ELMO1: variants seen among roughly 807,000 people sequenced by gnomAD.
ELMO1 encodes engulfment and cell motility protein 1.
A neutral mutation model predicts 98.9 loss-of-function variants in ELMO1; 26 were observed. The observed-to-expected ratio is 0.26, with a 90% CI of 0.19 to 0.36. The LOEUF is 0.36. ELMO1 is among the 10% of genes least tolerant of loss of function. ELMO1 has a pLI of 1.00. For missense variants in ELMO1, 627 were observed against 935.2 expected (o/e 0.67, Z 4.30); for synonymous variants, 346 against 346.0 (o/e 1.00, Z 0.00).
rs140844007 is a variant in ELMO1, at chr7:37,425,465, G to T, written c.-74+23210C>A. ...TTCAGTGCATCATGATAGTTATCGAGAATTATTTACATGTGTCTCCTTATA... is the reference window on the plus strand; with the variant it reads ...TTCAGTGCATCATGATAGTTATCGATAATTATTTACATGTGTCTCCTTATA... On this transcript the variant is annotated intron_variant, in intron 1 of 21. Transcript: ENST00000310758. Among the ~76,000 whole-genome samples the T allele has an allele frequency of 2.6e-4, 39 of 152,348 alleles. No individual in the cohort carries two copies. In the East Asian group the frequency reaches 7.3e-3, roughly 29 times the overall value.
chr7:37,334,598 G>A (rs56305455), intron 2 of ELMO1, among the ~76,000 whole-genome samples: 7,563 of 152,290 alleles, frequency 0.05, 255 homozygotes, highest in Admixed American at 0.075. Flanking sequence ...CTTGAAGGCT[G>A]TAGTAAGGTG....
In ELMO1 at chr7:36,876,993, A is replaced by G. The variant is rs77124707; in HGVS notation, c.1822+1017T>C. Among the ~76,000 whole-genome samples, 1,451 of 152,344 alleles carry G rather than the reference A, an allele frequency of 9.5e-3. 21 individuals are homozygous for G. The highest frequency in any genetic ancestry group is 0.032 in the African/African-American group (1,349 of 41,564). On this transcript the variant is annotated intron_variant, in intron 19 of 21. Coordinates refer to ENST00000310758, the MANE Select transcript of ELMO1 (RefSeq NM_014800.11). ...GGAGGAAGAGTGAATGTTCTAGGCT[A>G]TCTGCCTGAGATGTCAGCGCAGAGT...
chr7:37,049,703 T>C (rs1013538318), intron 15 of ELMO1, among the ~76,000 whole-genome samples: 4 of 151,858 alleles, frequency 2.6e-5, no homozygotes, highest in Non-Finnish European at 2.9e-5. Context: ...CAGAGGCAAA[T>C]GATATCCAGG....
intron 10 of ELMO1, among the ~76,000 whole-genome samples, chr7:37,217,450 G>C (rs1584824082): frequency 6.6e-6 from 1 of 152,262 alleles, no homozygotes; most frequent in Middle Eastern, 3.4e-3. Flanking sequence ...TCATATTCAG[G>C]AAGACACTTG....
At chr7:36,871,768 T>C (rs1002141143) in intron 19 of ELMO1, among the ~76,000 whole-genome samples, 1 of 152,168 alleles carries the variant, frequency 6.6e-6, no homozygotes, top group Non-Finnish European at 1.5e-5. Context: ...CCAGGTACCC[T>C]AAAATTACTA....
intron 20 of ELMO1, among the ~76,000 whole-genome samples, chr7:36,863,116 T>C (rs1010082608): frequency 2.0e-5 from 3 of 152,152 alleles, no homozygotes; most frequent in African/African-American, 4.8e-5. Flanking sequence ...GTTCTGAGGA[T>C]AGATCTACCA....
chr7:37,317,246 G>A (rs966661259), intron 2 of ELMO1, among the ~76,000 whole-genome samples: 4 of 152,088 alleles, frequency 2.6e-5, no homozygotes, highest in Non-Finnish European at 4.4e-5. Context: ...CCTGCTAAAG[G>A]CCCAGTTCAG....
At chr7:37,234,494 T>C (rs534184209) in intron 7 of ELMO1, among the ~76,000 whole-genome samples, 1 of 152,320 alleles carries the variant, frequency 6.6e-6, no homozygotes, top group Admixed American at 6.5e-5. Context: ...GAAGTGGTTC[T>C]CAGGGAAAGA....
chr7:37,077,402 G>A (rs575605149), intron 15 of ELMO1, among the ~76,000 whole-genome samples: 5 of 152,282 alleles, frequency 3.3e-5, no homozygotes, highest in East Asian at 3.9e-4. Context: ...GAGGAAGCAC[G>A]TCACACTGAG....
intron 13 of ELMO1, among the ~76,000 whole-genome samples, chr7:37,189,072 A>G (rs1791419239): frequency 6.6e-6 from 1 of 152,354 alleles, no homozygotes; most frequent in Admixed American, 6.5e-5. Flanking sequence ...ACTGTATATA[A>G]TAATTTTTAA....
At chr7:37,410,873 G>T (rs1803968307) in intron 1 of ELMO1, among the ~76,000 whole-genome samples, 1 of 152,214 alleles carries the variant, frequency 6.6e-6, no homozygotes, top group Non-Finnish European at 1.5e-5. Context: ...TGCAATTCAT[G>T]AGCTATATGC....
chr7:37,104,249 G>A (rs1360217847), intron 14 of ELMO1, among the ~76,000 whole-genome samples: 1 of 151,374 alleles, frequency 6.6e-6, no homozygotes, highest in Non-Finnish European at 1.5e-5. Flanking sequence ...AATTGTTACT[G>A]TAAAATATAT....
chr7:37,181,654 A>C (rs1584773587), intron 13 of ELMO1, among the ~76,000 whole-genome samples: 1 of 152,208 alleles, frequency 6.6e-6, no homozygotes, highest in Non-Finnish European at 1.5e-5. Flanking sequence ...GAAAGCAGGA[A>C]TGTATTGCAG....
At chr7:37,394,598 G>A (rs889642751) in intron 1 of ELMO1, among the ~76,000 whole-genome samples, 2 of 152,224 alleles carry the variant, frequency 1.3e-5, no homozygotes, top group African/African-American at 4.8e-5. Context: ...CAATGGAAGT[G>A]TCTTCCAGAG....
chr7:37,445,910 G>T (rs1016452512), intron 1 of ELMO1, among the ~76,000 whole-genome samples: 2 of 152,128 alleles, frequency 1.3e-5, no homozygotes, highest in Admixed American at 6.6e-5. Context: ...CTTCTCCAAG[G>T]AGAGTGATGA....
chr7:37,259,443 G>A, intron 5 of ELMO1, 93 bp from the exon 6 acceptor site: 1 of 1,431,098 alleles, frequency 7.0e-7, no homozygotes, highest in Non-Finnish European at 9.6e-7. Flanking sequence ...AGATACAAAA[G>A]CCAAAAGCGC....
At chr7:37,218,718 T>A (rs1225163085) in intron 10 of ELMO1, among the ~76,000 whole-genome samples, 1 of 152,194 alleles carries the variant, frequency 6.6e-6, no homozygotes, top group South Asian at 2.1e-4. Flanking sequence ...ATGCTCACAT[T>A]TGGTGAAAAA....
At chr7:37,355,056 T>C (rs1003863238) in intron 1 of ELMO1, among the ~76,000 whole-genome samples, 15 of 152,194 alleles carry the variant, frequency 9.9e-5, no homozygotes, top group African/African-American at 3.6e-4. Flanking sequence ...CAATGCCGCA[T>C]AGCCGCCTCT....
At chr7:37,375,799 AC>A in intron 1 of ELMO1, 5 of 902,186 alleles carry the variant, frequency 5.5e-6, no homozygotes, top group Non-Finnish European at 9.0e-6. Context: ...TGTGCCTGCC[AC>A]TGTACACTGC....
Sources: gnomAD v4.1 joint callset for allele counts (sites outside exome capture counted in the v4.1 genomes callset) on GRCh38, gnomAD v4.1.1 for gene constraint, MANE v1.5 for transcripts, NCBI Gene and HGNC (gene_info 2026-07-23, HGNC 2026-07-21) for gene names.